The following FAM124A variants were observed in gnomAD, a reference collection of about 807,000 sequenced individuals.
The protein encoded by FAM124A is protein FAM124A.
A neutral mutation model predicts 24.5 loss-of-function variants in FAM124A; 23 were observed. The ratio of observed to expected loss-of-function variants is 0.94; its 90% confidence interval spans 0.68 to 1.33. The LOEUF is 1.33. Ranked by LOEUF, FAM124A falls within the 40% of genes most tolerant of loss-of-function variation. The pLI, the probability that FAM124A is intolerant of heterozygous loss-of-function variation, is 0.00. For missense variants in FAM124A, 623 were observed against 722.8 expected (o/e 0.86, Z 1.58); for synonymous variants, 287 against 314.7 (o/e 0.91, Z 0.93).
intron 3 of FAM124A, among the ~76,000 whole-genome samples, chr13:51,271,270 T>C (rs1345762261): frequency 6.6e-6 from 1 of 152,238 alleles, no homozygotes; most frequent in Non-Finnish European, 1.5e-5. Context: ...GCACAGTTTT[T>C]CTAGGTCTCC....
intron 2 of FAM124A, among the ~76,000 whole-genome samples, chr13:51,243,345 T>C (rs765641627): frequency 3.3e-5 from 5 of 152,188 alleles, no homozygotes; most frequent in Admixed American, 6.5e-5. Context: ...GAAGGCAGGT[T>C]ATTCATTACA....
chr13:51,255,840 T>G (rs1259325154), intron 3 of FAM124A, among the ~76,000 whole-genome samples: 1 of 152,224 alleles, frequency 6.6e-6, no homozygotes, highest in East Asian at 1.9e-4. Flanking sequence ...TTGCTTAATC[T>G]CAGAGGGAAG....
intron 2 of FAM124A, among the ~76,000 whole-genome samples, chr13:51,235,462 A>T (rs1389526870): frequency 5.3e-5 from 8 of 152,240 alleles, no homozygotes; most frequent in African/African-American, 1.7e-4. Flanking sequence ...CATTCAAATT[A>T]AGATTATAAT....
chr13:51,241,790 CG>C (rs921724764), intron 2 of FAM124A, among the ~76,000 whole-genome samples: 6 of 151,904 alleles, frequency 3.9e-5, no homozygotes, highest in Non-Finnish European at 8.8e-5. Context: ...CTACATTGCT[CG>C]TTTGATCATG....
chr13:51,238,727 T>G (rs1954461434), intron 2 of FAM124A, among the ~76,000 whole-genome samples: 1 of 152,166 alleles, frequency 6.6e-6, no homozygotes, highest in South Asian at 2.1e-4. Context: ...AACGTGTGAG[T>G]CCATTAGATT....
chr13:51,275,593 C>T (rs1954879146), intron 3 of FAM124A, among the ~76,000 whole-genome samples: 1 of 150,934 alleles, frequency 6.6e-6, no homozygotes, highest in Non-Finnish European at 1.5e-5. Context: ...TCTCTAAAAG[C>T]AATGCCTAAA....
At chr13:51,276,924 A>C (rs1415065509) in intron 3 of FAM124A, among the ~76,000 whole-genome samples, 1 of 152,196 alleles carries the variant, frequency 6.6e-6, no homozygotes, top group Non-Finnish European at 1.5e-5. Context: ...GTCCCTGACC[A>C]TGAACAAATC....
Position 51,281,040 on chromosome 13 carries a change from C to T in FAM124A, c.1425C>T (p.Ala475=), listed in dbSNP as rs775329106. 23 of 1,614,164 alleles carry T rather than the reference C, an allele frequency of 1.4e-5. No individual in the cohort carries two copies. The Middle Eastern group carries it at 4.9e-4, about 35-fold the overall frequency. ...LPTVSRVTTE[A]SWASLPFFTK... ...CTGTCAGCAGGGTGACCACAGAGGC[C>T]TCCTGGGCTTCCCTCCCTTTCTTCA... The change falls in exon 4 of 4, where the codon GCC becomes GCT. Residue 475 remains alanine (A), a synonymous_variant. Transcript: ENST00000322475.
chr13:51,243,448 G>A (rs762094331), intron 2 of FAM124A, among the ~76,000 whole-genome samples: 9 of 152,160 alleles, frequency 5.9e-5, no homozygotes, highest in Non-Finnish European at 8.8e-5. Flanking sequence ...TCAATGTGGG[G>A]AGGCTAGCCC....
Position 51,222,505 on chromosome 13 carries a change from G to T in FAM124A, c.4G>T (p.Asp2Tyr). The T allele has an allele frequency of 8.2e-7, 1 of 1,225,850 alleles. No individual in the cohort carries two copies. Among genetic ancestry groups the T allele is most frequent in the Non-Finnish European group, 1.0e-6 (1 of 985,642 alleles). The allele number at this position is 1,225,850 out of a possible 1,614,324, so 75.9% of individuals were successfully genotyped here. M[D>Y]PKAGGGGEED... Reference sequence around the variant, plus strand: ...GAGCGCGGCCGGGACGTGCACCATGGACCCAAAGGCGGGCGGCGGCGGCGA... The same window carrying T: ...GAGCGCGGCCGGGACGTGCACCATGTACCCAAAGGCGGGCGGCGGCGGCGA... The change falls in exon 1 of 4, where the codon GAC becomes TAC. Residue 2 changes from aspartate (D) to tyrosine (Y), a missense_variant. Physicochemically the swap from Asp to Tyr is radical, Grantham distance 160. Coordinates refer to ENST00000322475, the MANE Select transcript of FAM124A (RefSeq NM_001242312.2).
At chr13:51,250,523 CTG>C (rs972582345) in intron 2 of FAM124A, among the ~76,000 whole-genome samples, 8 of 152,232 alleles carry the variant, frequency 5.3e-5, no homozygotes, top group African/African-American at 1.9e-4. Flanking sequence ...CCATGGGAAA[CTG>C]TTGCCAAGTT....
At chr13:51,278,623 C>T (rs571487890) in intron 3 of FAM124A, among the ~76,000 whole-genome samples, 23 of 152,306 alleles carry the variant, frequency 1.5e-4, no homozygotes, top group Middle Eastern at 3.4e-3. Flanking sequence ...CCTCAAATTC[C>T]GCCCACCCAG....
intron 2 of FAM124A, among the ~76,000 whole-genome samples, chr13:51,243,703 T>G (rs1021753143): frequency 6.6e-6 from 1 of 152,026 alleles, no homozygotes; most frequent in Non-Finnish European, 1.5e-5. Flanking sequence ...CCGGCTAATT[T>G]TTTTGTATTT....
At chr13:51,243,340 C>T (rs1041384644) in intron 2 of FAM124A, among the ~76,000 whole-genome samples, 3 of 152,132 alleles carry the variant, frequency 2.0e-5, no homozygotes, top group Non-Finnish European at 2.9e-5. Flanking sequence ...GAGATGAAGG[C>T]AGGTTATTCA....
chr13:51,261,767 G>A (rs551792842), intron 3 of FAM124A, among the ~76,000 whole-genome samples: 1 of 152,352 alleles, frequency 6.6e-6, no homozygotes, highest in Admixed American at 6.5e-5. Flanking sequence ...TGTAGCAAAT[G>A]GTGCCCAGCA....
intron 3 of FAM124A, among the ~76,000 whole-genome samples, chr13:51,268,178 C>A (rs1254476138): frequency 6.6e-6 from 1 of 152,232 alleles, no homozygotes; most frequent in African/African-American, 2.4e-5. Flanking sequence ...TTCATTCAAT[C>A]TCTTTTCTTA....
chr13:51,269,967 A>C (rs1954824214), intron 3 of FAM124A, among the ~76,000 whole-genome samples: 1 of 152,198 alleles, frequency 6.6e-6, no homozygotes, highest in Non-Finnish European at 1.5e-5. Context: ...CCCAGGACTC[A>C]ACTACTATCC....
At chr13:51,277,710 C>G (rs1019048195) in intron 3 of FAM124A, among the ~76,000 whole-genome samples, 4 of 152,202 alleles carry the variant, frequency 2.6e-5, no homozygotes, top group African/African-American at 9.6e-5. Context: ...AGAAGAATCA[C>G]TTGAACCCAG....
At position 51,281,491 on chromosome 13, in the gene FAM124A, T is replaced by TA. The variant is rs1954939362; in HGVS notation, c.*235_*236insA. On this transcript the variant is annotated 3_prime_UTR_variant, in exon 4 of 4. Coordinates refer to ENST00000322475, the MANE Select transcript of FAM124A (RefSeq NM_001242312.2). ...CTCAACAAACTTGTCATAAAATATA[T>TA]TTTTTGAATATTCAGCATTTGAGGT... 3 of 436,536 alleles carry TA rather than the reference T, an allele frequency of 6.9e-6. No individual in the cohort carries two copies. The Admixed American group carries it at 1.2e-4, about 17-fold the overall frequency. 27.0% of individuals were successfully genotyped at this position (436,536 alleles called of 1,614,324 possible).
Sources: gnomAD v4.1 joint callset for allele counts (sites outside exome capture counted in the v4.1 genomes callset) on GRCh38, gnomAD v4.1.1 for gene constraint, MANE v1.5 for transcripts, NCBI Gene and HGNC (gene_info 2026-07-23, HGNC 2026-07-21) for gene names.